The following PITPNB variants were observed in gnomAD, a reference collection of about 807,000 sequenced individuals.
PITPNB encodes the protein phosphatidylinositol transfer protein beta isoform.
A neutral mutation model predicts 45.9 loss-of-function variants in PITPNB; 16 were observed. That is an observed-to-expected ratio of 0.35 (90% confidence interval 0.24 to 0.53). PITPNB has a LOEUF of 0.53. Among genes scored for constraint, PITPNB ranks in the 20% least tolerant of loss-of-function variants. PITPNB has a pLI of 0.93. For missense variants in PITPNB, 188 were observed against 330.5 expected (o/e 0.57, Z 3.34); for synonymous variants, 112 against 108.9 (o/e 1.03, Z -0.18).
chr22:27,906,858 C>G (rs1038280318), intron 3 of PITPNB, among the ~76,000 whole-genome samples: 4 of 152,174 alleles, frequency 2.6e-5, no homozygotes, highest in African/African-American at 9.7e-5. Flanking sequence ...GAGTAACCAA[C>G]TTTCAGATTT....
chr22:27,876,961 T>C (rs980230869), intron 7 of PITPNB, among the ~76,000 whole-genome samples: 7 of 152,202 alleles, frequency 4.6e-5, no homozygotes, highest in African/African-American at 1.4e-4. Flanking sequence ...TCTCATTAGT[T>C]CTTTTAGAAT....
In PITPNB at chr22:27,860,253, A is replaced by G; in HGVS notation, c.535-12T>C. ...TTTGCCAGCTCCTTCTAGATGAGAA[A>G]AATTGAAAAGGAGAAATTATGACTT... On this transcript the variant is annotated splice_polypyrimidine_tract_variant and intron_variant, in intron 8 of 11. Transcript: ENST00000335272. 1 of 1,518,156 alleles carries G rather than the reference A, an allele frequency of 6.6e-7. No homozygotes were observed. Among genetic ancestry groups the G allele is most frequent in the Non-Finnish European group, 9.1e-7 (1 of 1,103,100 alleles). 94.0% of individuals were successfully genotyped at this position (1,518,156 alleles called of 1,614,324 possible).
chr22:27,914,460 C>CA (rs1936022113), intron 1 of PITPNB, 113 bp from the exon 2 acceptor site: 8 of 622,062 alleles, frequency 1.3e-5, no homozygotes, highest in Admixed American at 6.8e-5. Context: ...TCTCTTAAAT[C>CA]AAAAAAATAC....
At chr22:27,915,555 T>C (rs17480971) in intron 1 of PITPNB, among the ~76,000 whole-genome samples, 4,171 of 152,236 alleles carry the variant, frequency 0.027, 59 homozygotes, top group Non-Finnish European at 0.032. Flanking sequence ...ATCTCCAACA[T>C]GCACAAGTCT....
At chr22:27,890,400 C>G (rs1469627178) in intron 7 of PITPNB, among the ~76,000 whole-genome samples, 1 of 151,624 alleles carries the variant, frequency 6.6e-6, no homozygotes, top group African/African-American at 2.4e-5. Context: ...CCTTACGTAA[C>G]AGTTCTTTAA....
chr22:27,860,441 C>G (rs1378228185), intron 8 of PITPNB, 200 bp from the exon 9 acceptor site: 5 of 467,476 alleles, frequency 1.1e-5, no homozygotes, highest in African/African-American at 1.9e-5. Context: ...TTCCACAGAC[C>G]AAGTTACTTC....
At chr22:27,914,473 G>T in intron 1 of PITPNB, 126 bp from the exon 2 acceptor site, 1 of 590,456 alleles carries the variant, frequency 1.7e-6, no homozygotes, top group Non-Finnish European at 3.0e-6. Flanking sequence ...AAAAATACAA[G>T]GGTGTCATTT....
chr22:27,898,405 G>A (rs545707495), intron 3 of PITPNB, among the ~76,000 whole-genome samples: 36 of 151,040 alleles, frequency 2.4e-4, no homozygotes, highest in African/African-American at 8.5e-4. Context: ...CTGTATAAAA[G>A]GTTTTGTGTG....
intron 8 of PITPNB, among the ~76,000 whole-genome samples, chr22:27,872,653 C>T (rs1246291919): frequency 6.9e-6 from 1 of 143,922 alleles, no homozygotes; most frequent in Non-Finnish European, 1.5e-5. Flanking sequence ...GGGGCTGTAA[C>T]AGTAATCCTC....
At chr22:27,856,794 G>A (rs1236767785) in intron 10 of PITPNB, among the ~76,000 whole-genome samples, 4 of 152,174 alleles carry the variant, frequency 2.6e-5, no homozygotes, top group Admixed American at 6.5e-5. Context: ...CAGCTGCTTG[G>A]AAGAGCCAAA....
chr22:27,919,178 T>TTGATG lies in PITPNB; in HGVS notation c.13_14insCATCA (p.Lys5ThrfsTer41). 1 of 1,613,948 alleles carries TTGATG rather than the reference T, an allele frequency of 6.2e-7. No homozygotes were observed. Among genetic ancestry groups the TTGATG allele is most frequent in the Non-Finnish European group, 8.5e-7 (1 of 1,179,884 alleles). ...CGCCCACAGACCCACTCACAATTCC[T>TTGATG]TGATCAGCACCATCTTCCCGGAACC... is the stretch of plus-strand genomic sequence containing the variant. On this transcript the variant is annotated frameshift_variant, in exon 1 of 12. Transcript: ENST00000335272. LOFTEE classifies it high-confidence loss of function.
At position 27,853,623 on chromosome 22, in the gene PITPNB, C is replaced by G; in HGVS notation, c.*79G>C. On this transcript the variant is annotated 3_prime_UTR_variant, in exon 12 of 12. Coordinates refer to ENST00000335272, the MANE Select transcript of PITPNB (RefSeq NM_012399.5). ...TGGTCAGATTCTTCTTCACTCATCA[C>G]TGGCTGCGCTTGTTCCCCTCACTTG... is the stretch of plus-strand genomic sequence containing the variant. 6.4e-7 allele frequency: 1 copy of G among 1,550,906 alleles called. No individual in the cohort carries two copies. The highest frequency in any genetic ancestry group is 8.7e-7 in the Non-Finnish European group (1 of 1,146,880).
At chr22:27,891,944 T>A (rs1935292742) in intron 7 of PITPNB, among the ~76,000 whole-genome samples, 1 of 152,184 alleles carries the variant, frequency 6.6e-6, no homozygotes, top group African/African-American at 2.4e-5. Flanking sequence ...TTGTCCAAGA[T>A]TAAATAGCCA....
At position 27,904,123 on chromosome 22, in the gene PITPNB, G is replaced by A. The variant is rs151327276; in HGVS notation, c.198-6231C>T. On this transcript the variant is annotated intron_variant, in intron 3 of 11. Transcript: ENST00000335272. ...TATGACCCAGCCAATTTCACTCACA[G>A]CAATATATATCTCCAAGAGAACTGA... 6.8e-3 allele frequency among the ~76,000 whole-genome samples: 1,030 copies of A among 152,244 alleles called. 7 individuals are homozygous for A. Among genetic ancestry groups the A allele is most frequent in the African/African-American group, 0.023 (935 of 41,520 alleles).
intron 8 of PITPNB, among the ~76,000 whole-genome samples, chr22:27,873,468 T>C (rs1934727950): frequency 6.6e-6 from 1 of 152,198 alleles, no homozygotes; most frequent in Non-Finnish European, 1.5e-5. Flanking sequence ...AAAGAGAACA[T>C]TAGAATCCCC....
intron 9 of PITPNB, among the ~76,000 whole-genome samples, chr22:27,859,252 AG>A (rs775081782): frequency 3.9e-5 from 6 of 152,218 alleles, no homozygotes; most frequent in Non-Finnish European, 5.9e-5. Context: ...TCCGAGAGGA[AG>A]GAAGAATGCC....
At chr22:27,918,975 T>A (rs1228487231) in intron 1 of PITPNB, 197 bp downstream of exon 1, 5 of 780,972 alleles carry the variant, frequency 6.4e-6, no homozygotes, top group Non-Finnish European at 2.2e-6. Context: ...GAGGGCGTGT[T>A]ACCACGGCAA....
chr22:27,892,995 T>C (rs942226505), intron 7 of PITPNB, among the ~76,000 whole-genome samples: 13 of 152,150 alleles, frequency 8.5e-5, no homozygotes, highest in African/African-American at 3.1e-4. Flanking sequence ...AAACCAGACA[T>C]TTAGCGTTTG....
chr22:27,913,100 A>T (rs557851255), intron 2 of PITPNB, among the ~76,000 whole-genome samples: 1 of 152,296 alleles, frequency 6.6e-6, no homozygotes, highest in South Asian at 2.1e-4. Flanking sequence ...AACCAGCTGA[A>T]ATCAAAAGAA....
Sources: allele counts gnomAD v4.1 joint callset (sites outside exome capture counted in the v4.1 genomes callset), GRCh38; gene constraint gnomAD v4.1.1; transcripts MANE v1.5; gene names NCBI Gene and HGNC (gene_info 2026-07-23, HGNC 2026-07-21).